Variants in CNTN5 observed in about 807,000 individuals in gnomAD.
The protein encoded by CNTN5 is contactin 5, also known as contactin-5.
Under a neutral mutation model 129.1 loss-of-function variants are expected in CNTN5, and 77 were observed. That is an observed-to-expected ratio of 0.60 (90% CI 0.50 to 0.72). The LOEUF (loss-of-function observed/expected upper bound fraction) is 0.72, where lower values mean the gene tolerates loss of function less well. Among genes scored for constraint, CNTN5 ranks in the 30% least tolerant of loss-of-function variants. CNTN5 has a pLI of 0.00. For missense variants in CNTN5, 1,478 were observed against 1,328.8 expected (o/e 1.11, Z -1.75); for synonymous variants, 509 against 465.6 (o/e 1.09, Z -1.20).
At chr11:99,329,352 A>G (rs1224408964) in intron 2 of CNTN5, among the ~76,000 whole-genome samples, 1 of 152,226 alleles carries the variant, frequency 6.6e-6, no homozygotes, top group East Asian at 1.9e-4. Context: ...ATACTTGCTC[A>G]GCAAATGTTA....
At chr11:99,610,955 C>T (rs903054543) in intron 3 of CNTN5, among the ~76,000 whole-genome samples, 12 of 152,230 alleles carry the variant, frequency 7.9e-5, no homozygotes, top group East Asian at 1.9e-4. Context: ...TACCCAAGTA[C>T]GCGTGCACAC....
intron 3 of CNTN5, among the ~76,000 whole-genome samples, chr11:99,742,170 C>A (rs914465070): frequency 2.6e-5 from 4 of 152,138 alleles, no homozygotes; most frequent in Non-Finnish European, 5.9e-5. Context: ...AGTGTAAAGA[C>A]GGATGGACAG....
intron 2 of CNTN5, among the ~76,000 whole-genome samples, chr11:99,510,553 T>C (rs779600034): frequency 6.6e-5 from 10 of 152,126 alleles, no homozygotes; most frequent in Admixed American, 2.0e-4. Context: ...ATACAAAATA[T>C]GAGTATGCAT....
At chr11:99,536,854 TAAAAAA>T (rs5793993) in intron 2 of CNTN5, among the ~76,000 whole-genome samples, 3 of 140,446 alleles carry the variant, frequency 2.1e-5, no homozygotes, top group African/African-American at 8.1e-5. Context: ...GTAGTCACAT[TAAAAAA>T]AAAAAAAAGA....
At chr11:99,827,669 AC>A (rs1204346477) in intron 4 of CNTN5, among the ~76,000 whole-genome samples, 2 of 152,356 alleles carry the variant, frequency 1.3e-5, no homozygotes, top group East Asian at 3.9e-4. Flanking sequence ...AATAACTTAC[AC>A]ATAGCTTTGT....
intron 2 of CNTN5, among the ~76,000 whole-genome samples, chr11:99,376,046 C>T (rs182396206): frequency 1.3e-4 from 20 of 151,996 alleles, no homozygotes; most frequent in Non-Finnish European, 2.4e-4. Flanking sequence ...ATCAAAAGCA[C>T]CAAAAAACTT....
At chr11:99,730,888 A>G (rs999642441) in intron 3 of CNTN5, among the ~76,000 whole-genome samples, 1 of 152,156 alleles carries the variant, frequency 6.6e-6, no homozygotes, top group African/African-American at 2.4e-5. Flanking sequence ...ACTAGATCCT[A>G]TTCCTTCTAC....
intron 2 of CNTN5, among the ~76,000 whole-genome samples, chr11:99,537,412 A>G (rs1302451317): frequency 6.6e-6 from 1 of 152,178 alleles, no homozygotes; most frequent in African/African-American, 2.4e-5. Context: ...TTCAAAGCCC[A>G]TATTTTAACT....
chr11:99,619,958 G>A (rs1241784550), intron 3 of CNTN5, among the ~76,000 whole-genome samples: 6 of 147,756 alleles, frequency 4.1e-5, no homozygotes, highest in African/African-American at 1.2e-4. Flanking sequence ...CCCGGGAGGC[G>A]GAGCTTGCAG....
chr11:99,160,323 A>G (rs1194339776), intron 1 of CNTN5, among the ~76,000 whole-genome samples: 1 of 152,188 alleles, frequency 6.6e-6, no homozygotes. Flanking sequence ...AAGTATGTGC[A>G]ATATTTTGTT....
chr11:99,042,893 C>T (rs1186284666), intron 1 of CNTN5, among the ~76,000 whole-genome samples: 2 of 148,628 alleles, frequency 1.3e-5, no homozygotes, highest in African/African-American at 5.2e-5. Context: ...ACTTTAACTC[C>T]TAGGGACTGC....
At chr11:99,929,983 C>T (rs768663231) in intron 7 of CNTN5, among the ~76,000 whole-genome samples, 1 of 152,192 alleles carries the variant, frequency 6.6e-6, no homozygotes, top group Non-Finnish European at 1.5e-5. Flanking sequence ...TTGACTGCCT[C>T]GCCTGATCCT....
intron 1 of CNTN5, among the ~76,000 whole-genome samples, chr11:99,209,269 G>A (rs562242862): frequency 2.0e-5 from 3 of 152,140 alleles, no homozygotes; most frequent in South Asian, 4.2e-4. Context: ...ATCTGTGACC[G>A]GGTACTTTAT....
chr11:99,029,116 T>C (rs1863238419), intron 1 of CNTN5, among the ~76,000 whole-genome samples: 1 of 150,820 alleles, frequency 6.6e-6, no homozygotes, highest in African/African-American at 2.5e-5. Context: ...TACTTTTCAA[T>C]GGTAAAAAAA....
chr11:99,160,099 G>C (rs1192395015), intron 1 of CNTN5, among the ~76,000 whole-genome samples: 2 of 152,128 alleles, frequency 1.3e-5, no homozygotes, highest in East Asian at 3.9e-4. Context: ...CTGTAATATA[G>C]GAACGTCTCT....
chr11:99,794,485 T>C (rs1945864269), intron 3 of CNTN5, among the ~76,000 whole-genome samples: 2 of 152,198 alleles, frequency 1.3e-5, no homozygotes, highest in African/African-American at 4.8e-5. Flanking sequence ...CTGGGTTATT[T>C]TGCAAACTTG....
At chr11:99,793,317 C>T (rs1382896922) in intron 3 of CNTN5, among the ~76,000 whole-genome samples, 1 of 152,186 alleles carries the variant, frequency 6.6e-6, no homozygotes, top group Non-Finnish European at 1.5e-5. Context: ...CCTCGGCCTC[C>T]CAAAGTGCTG....
At chr11:99,874,191 T>C (rs11601049) in intron 6 of CNTN5, among the ~76,000 whole-genome samples, 85,058 of 152,114 alleles carry the variant, frequency 0.56, 24,126 homozygotes, top group Middle Eastern at 0.69. Context: ...CACATGTAGC[T>C]CCCGAAGCTA....
intron 9 of CNTN5, among the ~76,000 whole-genome samples, chr11:100,041,689 T>A (rs1942388602): frequency 6.6e-6 from 1 of 152,244 alleles, no homozygotes; most frequent in Admixed American, 6.5e-5. Context: ...CAGCATTTAT[T>A]GCTTTCAGTG....
Sources: gnomAD v4.1 joint callset for allele counts (sites outside exome capture counted in the v4.1 genomes callset) on GRCh38, gnomAD v4.1.1 for gene constraint, MANE v1.5 for transcripts, NCBI Gene and HGNC (gene_info 2026-07-23, HGNC 2026-07-21) for gene names.